The following CIAO2A variants were observed in gnomAD, a reference collection of about 807,000 sequenced individuals.
The protein encoded by CIAO2A is MIP18 family protein FAM96A.
A neutral mutation model predicts 22.4 loss-of-function variants in CIAO2A; 17 were observed. The ratio of observed to expected loss-of-function variants is 0.76; its 90% CI spans 0.52 to 1.14. The LOEUF is 1.14. Ranked by LOEUF, CIAO2A falls within the 50% of genes most tolerant of loss-of-function variation. The pLI, the probability that CIAO2A is intolerant of heterozygous loss-of-function variation, is 0.00. For synonymous variants in CIAO2A, 74 were observed against 72.3 expected (o/e 1.02, Z -0.12); for missense variants, 192 against 191.4 (o/e 1.00, Z -0.02).
intron 3 of CIAO2A, among the ~76,000 whole-genome samples, chr15:64,076,917 G>A (rs995042936): frequency 2.0e-5 from 3 of 151,806 alleles, no homozygotes; most frequent in African/African-American, 7.3e-5. Flanking sequence ...TATTGCCCAA[G>A]CTGGTCTTGA....
At chr15:64,075,653 C>CTT (rs147717856) in intron 3 of CIAO2A, 116 bp from the exon 4 acceptor site, 534 of 382,062 alleles carry the variant, frequency 1.4e-3, no homozygotes, top group Middle Eastern at 2.4e-3. Flanking sequence ...AATCCTGTTT[C>CTT]TTTTTTTTTT....
At chr15:64,078,341 T>A (rs921725310) in intron 3 of CIAO2A, among the ~76,000 whole-genome samples, 4 of 152,182 alleles carry the variant, frequency 2.6e-5, no homozygotes, top group Middle Eastern at 3.2e-3. Flanking sequence ...TTCAAGAAGC[T>A]GACAGCTAGC....
At chr15:64,085,866 G>A (rs770122887) in intron 2 of CIAO2A, among the ~76,000 whole-genome samples, 9 of 151,658 alleles carry the variant, frequency 5.9e-5, no homozygotes, top group Non-Finnish European at 8.8e-5. Context: ...CCGCCACCAC[G>A]CCCAGCTAAT....
chr15:64,091,577 G>A (rs955665359), intron 1 of CIAO2A, among the ~76,000 whole-genome samples: 3 of 152,080 alleles, frequency 2.0e-5, no homozygotes, highest in Admixed American at 1.3e-4. Context: ...TGTTATCATG[G>A]GACTTAGGGA....
chr15:64,093,530 C>CA lies in CIAO2A; in HGVS notation c.124+114dup, dbSNP rs1468925071. 110 of 1,269,382 alleles carry CA rather than the reference C, an allele frequency of 8.7e-5. No individual in the cohort carries two copies. The African/African-American group carries it at 1.4e-3, about 17-fold the overall frequency. 78.6% of individuals were successfully genotyped at this position (1,269,382 alleles called of 1,614,324 possible). On this transcript the variant is annotated intron_variant, in intron 1 of 4. Transcript: ENST00000300030. ...ATCTGGCCAAAAACAAACAAACAAA[C>CA]AAACAAAAAAAAAGGTCTCCCCTCC... is the stretch of plus-strand genomic sequence containing the variant.
rs754609426 is a variant in CIAO2A at position 64,088,787 on chromosome 15, C to T, written c.189G>A (p.Ser63=). 4.3e-6 allele frequency: 7 copies of T among 1,614,034 alleles called. No individual in the cohort carries two copies. The highest frequency in any genetic ancestry group is 2.7e-5 in the African/African-American group (2 of 75,040). ...TCTCCTGAACTTCCACACAACTTTC[C>T]GAGACCACTTCCAGTTCTTCTAAAG... ...PNTLEELEVV[S]ESCVEVQEIN... is the part of the protein sequence containing the mutation. Residue 63 remains serine, a synonymous_variant, in exon 2 of 5, where the codon TCG becomes TCA. Coordinates refer to ENST00000300030, the MANE Select transcript of CIAO2A (RefSeq NM_032231.7).
intron 3 of CIAO2A, among the ~76,000 whole-genome samples, chr15:64,079,120 G>A (rs1195193803): frequency 1.3e-5 from 2 of 151,316 alleles, no homozygotes; most frequent in African/African-American, 4.9e-5. Flanking sequence ...CTAGTAGTAT[G>A]GAAAGGTGAA....
At chr15:64,077,076 GC>G (rs2080724033) in intron 3 of CIAO2A, among the ~76,000 whole-genome samples, 1 of 152,112 alleles carries the variant, frequency 6.6e-6, no homozygotes, top group African/African-American at 2.4e-5. Flanking sequence ...AATTTGGGAG[GC>G]CGAGGCAGGC....
chr15:64,075,602 G>A, intron 3 of CIAO2A, 65 bp from the exon 4 acceptor site: 3 of 1,007,466 alleles, frequency 3.0e-6, no homozygotes, highest in Non-Finnish European at 3.0e-6. Context: ...AGAGTGAAGT[G>A]GAATGTACAG....
At chr15:64,074,206 C>T in intron 4 of CIAO2A, 1 of 152,176 alleles carries the variant, frequency 6.6e-6, no homozygotes, top group East Asian at 1.9e-4. Context: ...AGAGAGACGA[C>T]TATATTCTTA....
intron 2 of CIAO2A, among the ~76,000 whole-genome samples, chr15:64,084,275 T>A (rs1237719095): frequency 6.6e-6 from 1 of 152,152 alleles, no homozygotes; most frequent in African/African-American, 2.4e-5. Context: ...CCCAAAGTGT[T>A]ACAATTACAG....
rs752738580 is a variant in CIAO2A, at chr15:64,093,805, G to C, written c.-37C>G. 6.9e-6 allele frequency: 11 copies of C among 1,598,288 alleles called. No homozygotes were observed. The East Asian group carries it at 2.2e-4, about 33-fold the overall frequency. On this transcript the variant is annotated 5_prime_UTR_variant, in exon 1 of 5. Coordinates refer to ENST00000300030, the MANE Select transcript of CIAO2A (RefSeq NM_032231.7). ...GCCATCCCTGGCGACTGTCCCAATCGCGCCACCGTCTCTCAGCAGCCTCGG... is the reference window on the plus strand; with the variant it reads ...GCCATCCCTGGCGACTGTCCCAATCCCGCCACCGTCTCTCAGCAGCCTCGG...
At chr15:64,093,546 T>A in intron 1 of CIAO2A, 99 bp downstream of exon 1, 1 of 1,302,456 alleles carries the variant, frequency 7.7e-7, no homozygotes, top group Non-Finnish European at 1.0e-6. Flanking sequence ...AAAAAAAAGG[T>A]CTCCCCTCCC....
At chr15:64,076,075 C>A (rs149006689) in intron 3 of CIAO2A, among the ~76,000 whole-genome samples, 3 of 151,610 alleles carry the variant, frequency 2.0e-5, no homozygotes, top group Non-Finnish European at 4.4e-5. Context: ...CTGGAAAAGG[C>A]CTGCAGGTGG....
intron 2 of CIAO2A, among the ~76,000 whole-genome samples, chr15:64,084,009 A>G (rs1467517873): frequency 1.3e-5 from 2 of 152,136 alleles, no homozygotes; most frequent in African/African-American, 2.4e-5. Context: ...GCTGAAATGC[A>G]TAACGAAAGG....
In CIAO2A at chr15:64,093,690, CA is replaced by C; in HGVS notation, c.78del (p.Ala27ProfsTer12). The C allele has an allele frequency of 6.2e-7, 1 of 1,614,050 alleles. No homozygotes were observed. Among genetic ancestry groups the C allele is most frequent in the African/African-American group, 1.3e-5 (1 of 75,032 alleles). On this transcript the variant is annotated frameshift_variant, in exon 1 of 5. Transcript: ENST00000300030. LOFTEE classifies it high-confidence loss of function. ...TCTTCCATGATCCGGGGCTGCCGGG[CA>C]GCTCCCGGCTCAGAGAGGCCGGAGA... ...LWLSGLSEPG[A>X]ARQPRIMEEK...
chr15:64,082,526 C>T (rs912411979), intron 2 of CIAO2A, among the ~76,000 whole-genome samples: 2 of 152,132 alleles, frequency 1.3e-5, no homozygotes, highest in African/African-American at 4.8e-5. Context: ...CCGCGCCCGA[C>T]CTTATAGAGT....
In CIAO2A at chr15:64,093,799, C is replaced by A; in HGVS notation, c.-31G>T. On this transcript the variant is annotated 5_prime_UTR_variant, in exon 1 of 5. Coordinates refer to ENST00000300030, the MANE Select transcript of CIAO2A (RefSeq NM_032231.7). ...CGCTCAGCCATCCCTGGCGACTGTCCCAATCGCGCCACCGTCTCTCAGCAG... is the reference window on the plus strand; with the variant it reads ...CGCTCAGCCATCCCTGGCGACTGTCACAATCGCGCCACCGTCTCTCAGCAG... 6.2e-7 allele frequency: 1 copy of A among 1,600,054 alleles called. No homozygotes were observed. The highest frequency in any genetic ancestry group is 1.7e-4 in the Middle Eastern group (1 of 6,012).
chr15:64,082,966 C>T (rs914363613), intron 2 of CIAO2A, among the ~76,000 whole-genome samples: 1 of 151,896 alleles, frequency 6.6e-6, no homozygotes, highest in Non-Finnish European at 1.5e-5. Context: ...CTTTGGGAAG[C>T]CAAGGCGGGA....
Sources: allele counts gnomAD v4.1 joint callset (sites outside exome capture counted in the v4.1 genomes callset), GRCh38; gene constraint gnomAD v4.1.1; transcripts MANE v1.5; gene names NCBI Gene and HGNC (gene_info 2026-07-23, HGNC 2026-07-21).